KLHL29: variants seen among roughly 807,000 people sequenced by gnomAD.
KLHL29 encodes kelch-like protein 29.
Under a neutral mutation model 80.4 loss-of-function variants are expected in KLHL29, and 21 were observed. The observed-to-expected ratio is 0.26, with a 90% CI of 0.19 to 0.38. KLHL29 has a LOEUF of 0.38. Among genes scored for constraint, KLHL29 ranks in the 10% least tolerant of loss-of-function variants. The pLI, the probability that KLHL29 is intolerant of heterozygous loss-of-function variation, is 1.00. For missense variants in KLHL29, 867 were observed against 1,223.9 expected (o/e 0.71, Z 4.35); for synonymous variants, 511 against 526.8 (o/e 0.97, Z 0.41).
chr2:23,639,330 G>A (rs1480457186), intron 4 of KLHL29, 50 bp downstream of exon 4: 10 of 1,520,048 alleles, frequency 6.6e-6, no homozygotes, highest in African/African-American at 4.2e-5. Context: ...GGCTTGGCGG[G>A]AAGCTAGAGG....
At chr2:23,388,339 A>T (rs1487292158) in intron 1 of KLHL29, among the ~76,000 whole-genome samples, 3 of 152,154 alleles carry the variant, frequency 2.0e-5, no homozygotes, top group Non-Finnish European at 4.4e-5. Flanking sequence ...TTGTTTTTCC[A>T]GTAGATGAGC....
intron 3 of KLHL29, among the ~76,000 whole-genome samples, chr2:23,587,616 T>C (rs1003428035): frequency 2.0e-5 from 3 of 152,244 alleles, no homozygotes; most frequent in African/African-American, 7.2e-5. Context: ...CAGTCAGGCC[T>C]GGTCCCATGT....
chr2:23,570,045 C>T (rs1667680407), intron 3 of KLHL29, among the ~76,000 whole-genome samples: 1 of 152,194 alleles, frequency 6.6e-6, no homozygotes, highest in Admixed American at 6.5e-5. Flanking sequence ...GTGTACTGCT[C>T]CGGCTGCTGT....
intron 3 of KLHL29, among the ~76,000 whole-genome samples, chr2:23,571,409 C>T (rs530321493): frequency 1.4e-4 from 21 of 152,346 alleles, no homozygotes; most frequent in Non-Finnish European, 2.6e-4. Flanking sequence ...ATTTTCTCTC[C>T]TTCTCCCTTC....
Position 23,703,722 on chromosome 2 carries a change from A to T in KLHL29, c.2303A>T (p.Asn768Ile). 1 of 1,535,874 alleles carries T rather than the reference A, an allele frequency of 6.5e-7. No homozygotes were observed. Among genetic ancestry groups the T allele is most frequent in the Non-Finnish European group, 8.7e-7 (1 of 1,146,188 alleles). ...GCCTGCTCTGCTCTCCTCACAGACA[A>T]CAAGTATGCCCCCGCTGTCACGCTC... ...WSFIESPMID[N>I]KYAPAVTLNG... The change falls in exon 13 of 14, where the codon AAC (asparagine) becomes ATC (isoleucine). Residue 768 changes from asparagine (N) to isoleucine (I), a missense_variant. Coordinates refer to ENST00000486442, the MANE Select transcript of KLHL29 (RefSeq NM_052920.2).
At position 23,647,121 on chromosome 2, in the gene KLHL29, A is replaced by G. The variant is rs949058242; in HGVS notation, c.940+4271A>G. ...CCTGGTCAAGCCATTTAACTTAGGG[A>G]TGGGGACCCCTTCCCTAAAAGGGAG... On this transcript the variant is annotated intron_variant, in intron 5 of 13. Coordinates refer to ENST00000486442, the MANE Select transcript of KLHL29 (RefSeq NM_052920.2). The surrounding 1 kb of genome is among the most constrained non-coding windows in gnomAD (Gnocchi z 4.9). Among the ~76,000 whole-genome samples, 27 of 152,120 alleles carry G rather than the reference A, an allele frequency of 1.8e-4. No individual in the cohort carries two copies. Among genetic ancestry groups the G allele is most frequent in the Admixed American group, 1.0e-3 (16 of 15,282 alleles).
chr2:23,460,822 C>T lies in KLHL29; in HGVS notation c.-153-14738C>T, dbSNP rs545966515. ...GCATCGTGCAAGCTCAGGAGCTTCC[C>T]GTGAAGGGAGCATCGTGCAAACTCA... On this transcript the variant is annotated intron_variant, in intron 1 of 13. Transcript: ENST00000486442. 2.4e-3 allele frequency among the ~76,000 whole-genome samples: 359 copies of T among 151,832 alleles called. 7 individuals carry two copies. The highest frequency in any genetic ancestry group is 4.0e-4 in the Non-Finnish European group (27 of 67,938).
chr2:23,675,270 C>T (rs1400457029), intron 5 of KLHL29, among the ~76,000 whole-genome samples: 1 of 152,176 alleles, frequency 6.6e-6, no homozygotes. Context: ...TCAACCAAAC[C>T]AGGCACTTAC....
chr2:23,554,976 G>T (rs1014817738), intron 2 of KLHL29, among the ~76,000 whole-genome samples: 15 of 152,106 alleles, frequency 9.9e-5, no homozygotes, highest in African/African-American at 3.6e-4. Context: ...ATATCCTCAG[G>T]CCCCAGGTAG....
chr2:23,614,966 G>A (rs1182822663), intron 3 of KLHL29, among the ~76,000 whole-genome samples: 2 of 152,196 alleles, frequency 1.3e-5, no homozygotes, highest in East Asian at 1.9e-4. Context: ...GGTCAGCTCC[G>A]CCTCCAGCAA....
chr2:23,537,442 A>G (rs1470975866), intron 2 of KLHL29, among the ~76,000 whole-genome samples: 1 of 11,782 alleles, frequency 8.5e-5, no homozygotes, highest in African/African-American at 1.3e-3. Context: ...ACACACACAC[A>G]CACACACACA....
At chr2:23,629,916 G>A (rs1239734589) in intron 3 of KLHL29, among the ~76,000 whole-genome samples, 1 of 152,224 alleles carries the variant, frequency 6.6e-6, no homozygotes, top group African/African-American at 2.4e-5. Flanking sequence ...GATCCGAGGA[G>A]AGGAGACACC....
At chr2:23,518,974 T>TA (rs1666019231) in intron 2 of KLHL29, among the ~76,000 whole-genome samples, 1 of 152,206 alleles carries the variant, frequency 6.6e-6, no homozygotes, top group Non-Finnish European at 1.5e-5. Flanking sequence ...AGGCAATCCT[T>TA]AACCCAGGGA....
chr2:23,476,650 T>A (rs1664650817), intron 2 of KLHL29, among the ~76,000 whole-genome samples: 1 of 152,266 alleles, frequency 6.6e-6, no homozygotes, highest in Non-Finnish European at 1.5e-5. Flanking sequence ...CGATGGACAT[T>A]TAGCATATTT....
intron 2 of KLHL29, among the ~76,000 whole-genome samples, chr2:23,493,274 G>T (rs531472179): frequency 2.6e-5 from 4 of 152,264 alleles, no homozygotes; most frequent in African/African-American, 9.6e-5. Flanking sequence ...GATTTATGCC[G>T]TGGCCAGGCA....
At chr2:23,631,292 G>A (rs564778095) in intron 3 of KLHL29, among the ~76,000 whole-genome samples, 1 of 152,168 alleles carries the variant, frequency 6.6e-6, no homozygotes, top group African/African-American at 2.4e-5. Flanking sequence ...TAATATGATT[G>A]GAATCTGAAT....
At chr2:23,634,006 G>A (rs1669542927) in intron 3 of KLHL29, among the ~76,000 whole-genome samples, 1 of 152,134 alleles carries the variant, frequency 6.6e-6, no homozygotes, top group South Asian at 2.1e-4. Context: ...ACAACATCAT[G>A]GGTCTGTTCC....
chr2:23,541,672 G>A (rs1274881753), intron 2 of KLHL29, among the ~76,000 whole-genome samples: 1 of 152,052 alleles, frequency 6.6e-6, no homozygotes, highest in African/African-American at 2.4e-5. Context: ...TTCCCAGATT[G>A]CTGGTCTCGG....
At chr2:23,577,206 T>G (rs547658415) in intron 3 of KLHL29, among the ~76,000 whole-genome samples, 1 of 152,264 alleles carries the variant, frequency 6.6e-6, no homozygotes, top group South Asian at 2.1e-4. Context: ...TCCCAGCACT[T>G]TGGGAGGCCG....
Sources: allele counts gnomAD v4.1 joint callset (sites outside exome capture counted in the v4.1 genomes callset), GRCh38; gene constraint gnomAD v4.1.1; non-coding constraint Gnocchi (gnomAD v3.1); transcripts MANE v1.5; gene names NCBI Gene and HGNC (gene_info 2026-07-23, HGNC 2026-07-21).